Variants in NAV2 observed in about 807,000 individuals in gnomAD.
NAV2 encodes the protein helicase, APC down-regulated 1.
In NAV2, 54 loss-of-function variants were observed where a neutral mutation model predicts 223.2. That is an observed-to-expected ratio of 0.24 (90% CI 0.19 to 0.30). The LOEUF is 0.30. NAV2 is among the 10% of genes least tolerant of loss of function. NAV2 has a pLI of 1.00. For missense variants in NAV2, 2,806 were observed against 3,147.5 expected (o/e 0.89, Z 2.60); for synonymous variants, 1,279 against 1,239.3 (o/e 1.03, Z -0.67).
At position 19,713,548 on chromosome 11, in the gene NAV2, C is replaced by G; in HGVS notation, c.-148C>G. ...GCTCGCCCGATTGCTTCGAGTTCCC[C>G]GACCTGGGGATTTTTTTTTTAGCCG... On this transcript the variant is annotated 5_prime_UTR_variant, in exon 1 of 38. Coordinates refer to ENST00000349880, the MANE Select transcript of NAV2 (RefSeq NM_145117.5). This position sits in a 1 kb window ranked among gnomAD's most constrained non-coding sequence, Gnocchi z 7.2. 1 of 1,405,978 alleles carries G rather than the reference C, an allele frequency of 7.1e-7. No individual in the cohort carries two copies. The highest frequency in any genetic ancestry group is 1.7e-5 in the South Asian group (1 of 58,736). The allele number at this position is 1,405,978 out of a possible 1,614,324, so 87.1% of individuals were successfully genotyped here.
At chr11:19,637,615 C>A (rs1275217841) in intron 1 of NAV2, among the ~76,000 whole-genome samples, 1 of 152,222 alleles carries the variant, frequency 6.6e-6, no homozygotes, top group Admixed American at 6.5e-5. Context: ...CCTCAGGAAG[C>A]TTTTACTCAT....
At chr11:19,866,333 C>A (rs575535192) in intron 3 of NAV2, among the ~76,000 whole-genome samples, 8 of 152,178 alleles carry the variant, frequency 5.3e-5, no homozygotes. Flanking sequence ...CCAAACGCTG[C>A]CAGACATTGA....
At chr11:19,451,191 C>G (rs1851777295) in intron 1 of NAV2, among the ~76,000 whole-genome samples, 1 of 152,090 alleles carries the variant, frequency 6.6e-6, no homozygotes, top group Non-Finnish European at 1.5e-5. Context: ...GTATCTGCAT[C>G]CCTCCATCTC....
rs191020053 is a variant in NAV2, at chr11:19,696,999, C to T, written c.76-135485C>T. On this transcript the variant is annotated intron_variant, in intron 1 of 37. Coordinates refer to the NAV2 transcript ENST00000360655. ...GCATAGATTGGTTGAGTCGCTTGCC[C>T]GAGGTTACACAGCATTGTGGAACTA... 2.6e-5 allele frequency among the ~76,000 whole-genome samples: 4 copies of T among 152,234 alleles called. No individual in the cohort carries two copies. The East Asian group carries it at 5.8e-4, about 22-fold the overall frequency.
chr11:20,077,846 T>A, intron 23 of NAV2, 147 bp from the exon 24 acceptor site: 1 of 725,070 alleles, frequency 1.4e-6, no homozygotes, highest in Non-Finnish European at 2.3e-6. Flanking sequence ...CCTACTTTTA[T>A]GTGTTTGTTC....
intron 1 of NAV2, among the ~76,000 whole-genome samples, chr11:19,705,001 A>G (rs1442757053): frequency 1.4e-5 from 2 of 142,310 alleles, no homozygotes; most frequent in Non-Finnish European, 3.0e-5. Context: ...ACAGAGTGAG[A>G]CTCCGTCTCA....
intron 1 of NAV2, among the ~76,000 whole-genome samples, chr11:19,549,738 C>T (rs1190752921): frequency 3.3e-5 from 5 of 152,204 alleles, no homozygotes; most frequent in Non-Finnish European, 4.4e-5. Flanking sequence ...AGGTCTCAAT[C>T]GTGATACAGC....
At chr11:19,743,993 C>A (rs1358967019) in intron 1 of NAV2, among the ~76,000 whole-genome samples, 1 of 152,234 alleles carries the variant, frequency 6.6e-6, no homozygotes, top group African/African-American at 2.4e-5. Flanking sequence ...GCCTCAGATA[C>A]AGTTGGTTTA....
At chr11:20,100,829 C>G (rs2061589956) in intron 31 of NAV2, 108 bp from the exon 32 acceptor site, 2 of 863,960 alleles carry the variant, frequency 2.3e-6, no homozygotes, top group Non-Finnish European at 3.7e-6. Flanking sequence ...GGTGAGTGGA[C>G]TGCCGAGGAG....
At chr11:19,690,797 C>A (rs1472486530) in intron 1 of NAV2, among the ~76,000 whole-genome samples, 1 of 152,226 alleles carries the variant, frequency 6.6e-6, no homozygotes, top group African/African-American at 2.4e-5. Context: ...AGTCCAGGTT[C>A]TTCATTTGCT....
At chr11:19,684,921 A>G (rs940353160) in intron 1 of NAV2, among the ~76,000 whole-genome samples, 3 of 152,164 alleles carry the variant, frequency 2.0e-5, no homozygotes, top group African/African-American at 7.2e-5. Context: ...AGTGCCTGGC[A>G]CATTGTAGGT....
intron 1 of NAV2, among the ~76,000 whole-genome samples, chr11:19,508,447 G>A (rs1260945789): frequency 6.6e-6 from 1 of 152,178 alleles, no homozygotes; most frequent in African/African-American, 2.4e-5. Context: ...TTTAAGTGTG[G>A]CAGGTACCTT....
rs1032852884 is a variant in NAV2 at position 19,514,857 on chromosome 11, C to G, written c.75+163830C>G. On this transcript the variant is annotated intron_variant, in intron 1 of 37. Transcript: ENST00000360655. ...AGGCAGGCCCAGGCTGTGCTCTGGG[C>G]TGAAGCAGGGGCATGAGGAGGAGTT... Among the ~76,000 whole-genome samples the G allele has an allele frequency of 1.6e-4, 24 of 152,190 alleles. 1 individual carries two copies. Among genetic ancestry groups the G allele is most frequent in the Admixed American group, 1.4e-3 (22 of 15,276 alleles).
At chr11:19,966,327 C>T (rs912101255) in intron 10 of NAV2, among the ~76,000 whole-genome samples, 1 of 152,210 alleles carries the variant, frequency 6.6e-6, no homozygotes, top group African/African-American at 2.4e-5. Flanking sequence ...CCTCCATAGT[C>T]TCACATTGGA....
At chr11:20,038,426 A>G (rs1238305745) in intron 12 of NAV2, among the ~76,000 whole-genome samples, 1 of 152,218 alleles carries the variant, frequency 6.6e-6, no homozygotes, top group Non-Finnish European at 1.5e-5. Flanking sequence ...GATTACACCA[A>G]TAGTTACTAA....
At chr11:19,846,487 G>T (rs1224788543) in intron 3 of NAV2, among the ~76,000 whole-genome samples, 2 of 152,102 alleles carry the variant, frequency 1.3e-5, no homozygotes, top group Admixed American at 6.5e-5. Context: ...GTTTTCTAAA[G>T]GAAAAAATTC....
chr11:19,571,837 C>T (rs1385359375), intron 1 of NAV2, among the ~76,000 whole-genome samples: 1 of 152,166 alleles, frequency 6.6e-6, no homozygotes, highest in Non-Finnish European at 1.5e-5. Flanking sequence ...TGACTATATC[C>T]CCTTCCCACT....
At chr11:19,584,442 G>A (rs958464507) in intron 1 of NAV2, among the ~76,000 whole-genome samples, 3 of 152,022 alleles carry the variant, frequency 2.0e-5, no homozygotes, top group Non-Finnish European at 4.4e-5. Context: ...GTTTGCTCTT[G>A]CTTCTCTAGT....
At chr11:19,825,048 T>G (rs1353234672) in intron 1 of NAV2, among the ~76,000 whole-genome samples, 1 of 152,086 alleles carries the variant, frequency 6.6e-6, no homozygotes, top group Non-Finnish European at 1.5e-5. Flanking sequence ...ATCCCAGCAC[T>G]TTGGGAGGCT....
Sources: gnomAD v4.1 joint callset for allele counts (sites outside exome capture counted in the v4.1 genomes callset) on GRCh38, gnomAD v4.1.1 for gene constraint, Gnocchi (gnomAD v3.1) non-coding constraint, MANE v1.5 for transcripts, NCBI Gene and HGNC (gene_info 2026-07-23, HGNC 2026-07-21) for gene names.